The following PFKP variants were observed in gnomAD, a reference collection of about 807,000 sequenced individuals.
The protein encoded by PFKP is ATP-dependent 6-phosphofructokinase, platelet type.
PFKP carries 101 observed loss-of-function variants against 94.3 expected under a neutral mutation model. The observed-to-expected ratio is 1.07, with a 90% confidence interval of 0.91 to 1.26. The LOEUF is 1.26. PFKP is among the 50% of genes most tolerant of loss of function. The pLI, the probability that PFKP is intolerant of heterozygous loss-of-function variation, is 0.00. For missense variants in PFKP, 1,145 were observed against 1,103.3 expected, an observed-to-expected ratio of 1.04 and a Z score of -0.53; for synonymous variants, 573 against 432.6, an observed-to-expected ratio of 1.32 and a Z score of -4.03.
chr10:3,101,200 A>G (rs1236471010), intron 3 of PFKP, among the ~76,000 whole-genome samples, 165 bp from the exon 4 acceptor site: 1 of 152,196 alleles, frequency 6.6e-6, no homozygotes, highest in Non-Finnish European at 1.5e-5. Flanking sequence ...GTCTGGGACT[A>G]AAAACAGGAA....
In PFKP at chr10:3,129,527, C is replaced by T. The variant is rs572626239; in HGVS notation, c.1684-292C>T. On this transcript the variant is annotated intron_variant, in intron 16 of 21. Transcript: ENST00000381125. ...AGCTGGCTTGTGGGGTCGTCTTTTC[C>T]GTCCCCTTCTATGGGGCCTGGGAGA... 2.9e-5 allele frequency: 12 copies of T among 408,112 alleles called. No individual in the cohort carries two copies. In the South Asian group the frequency reaches 3.2e-4, roughly 11 times the overall value. The allele number at this position is 408,112 out of a possible 1,614,324, so 25.3% of individuals were successfully genotyped here.
intron 1 of PFKP, among the ~76,000 whole-genome samples, chr10:3,080,441 T>C (rs564857070): frequency 3.0e-4 from 40 of 132,290 alleles, no homozygotes; most frequent in Non-Finnish European, 3.1e-4. Context: ...GGCGTGAACC[T>C]GGGAGGCGGA....
At position 3,130,076 on chromosome 10, in the gene PFKP, AG is replaced by A. The variant is rs1838403595; in HGVS notation, c.1848+97del. 22 of 1,122,040 alleles carry A rather than the reference AG, an allele frequency of 2.0e-5. 1 individual carries two copies. The Admixed American group carries it at 6.0e-4, about 31-fold the overall frequency. The allele number at this position is 1,122,040 out of a possible 1,614,324, so 69.5% of individuals were successfully genotyped here. On this transcript the variant is annotated intron_variant, in intron 17 of 21. Coordinates refer to ENST00000381125, the MANE Select transcript of PFKP (RefSeq NM_002627.5). ...CGTGTCTAGGGTGGTTTGCTTTCCA[AG>A]GGGCATGGAGATGGAGATGCTACAG...
Position 3,120,619 on chromosome 10 carries a change from G to GT in PFKP, c.1683+582dup, listed in dbSNP as rs1029328535. Reference sequence around the variant, plus strand: ...TAAGGCAATAATTGGTGCTACTTTAGTTTTTTTGCCAAGAGACAATAATAA... The same window carrying GT: ...TAAGGCAATAATTGGTGCTACTTTAGTTTTTTTTGCCAAGAGACAATAATAA... On this transcript the variant is annotated intron_variant, in intron 16 of 21. Transcript: ENST00000381125. Among the ~76,000 whole-genome samples, 10 of 152,170 alleles carry GT rather than the reference G, an allele frequency of 6.6e-5. 1 individual carries two copies. The highest frequency in any genetic ancestry group is 1.4e-4 in the African/African-American group (6 of 41,510).
At chr10:3,113,075 T>G (rs1410948112) in intron 11 of PFKP, 44 bp from the exon 12 acceptor site, 6 of 1,566,190 alleles carry the variant, frequency 3.8e-6, no homozygotes, top group Non-Finnish European at 5.2e-6. Context: ...CTGAGTTGTG[T>G]CCGGTATTCT....
rs185303466 is a variant in PFKP at position 3,082,108 on chromosome 10, C to G, written c.113-280C>G. Among the ~76,000 whole-genome samples the G allele has an allele frequency of 4.0e-5, 6 of 149,362 alleles. No individual in the cohort carries two copies. The East Asian group carries it at 1.0e-3, about 25-fold the overall frequency. On this transcript the variant is annotated intron_variant, in intron 1 of 21. Transcript: ENST00000381125. ...GCTGCAAATAAACCCCTATTCTGTACTTCGTTTTGCAGTTGAATGGAGTGG... is the reference window on the plus strand; with the variant it reads ...GCTGCAAATAAACCCCTATTCTGTAGTTCGTTTTGCAGTTGAATGGAGTGG...
intron 2 of PFKP, among the ~76,000 whole-genome samples, chr10:3,095,987 A>G (rs1183037875): frequency 2.0e-5 from 3 of 152,194 alleles, no homozygotes; most frequent in South Asian, 2.1e-4. Flanking sequence ...ACATGCATCT[A>G]TGCAACACAA....
At chr10:3,096,491 A>G (rs1312108177) in intron 2 of PFKP, among the ~76,000 whole-genome samples, 2 of 152,150 alleles carry the variant, frequency 1.3e-5, no homozygotes, top group Non-Finnish European at 2.9e-5. Context: ...TCTACATCCC[A>G]GTCCTCTCAG....
intron 1 of PFKP, 129 bp from the exon 2 acceptor site, chr10:3,082,259 A>C (rs779183984): frequency 3.8e-4 from 219 of 577,546 alleles, no homozygotes; most frequent in Non-Finnish European, 6.0e-4. Context: ...GAGTGTGTGT[A>C]CCCATTTCTC....
At chr10:3,074,880 C>A (rs1226493299) in intron 1 of PFKP, among the ~76,000 whole-genome samples, 1 of 152,198 alleles carries the variant, frequency 6.6e-6, no homozygotes, top group Non-Finnish European at 1.5e-5. Context: ...TAAAGACACA[C>A]ACACACAAAT....
intron 3 of PFKP, among the ~76,000 whole-genome samples, chr10:3,100,045 T>C (rs1324649690): frequency 2.9e-5 from 4 of 140,106 alleles, no homozygotes; most frequent in Non-Finnish European, 6.0e-5. Flanking sequence ...TCCTTGTATG[T>C]GTAGGTGTGT....
At chr10:3,106,292 G>A (rs1168193387) in intron 7 of PFKP, among the ~76,000 whole-genome samples, 2 of 31,090 alleles carry the variant, frequency 6.4e-5, no homozygotes. Flanking sequence ...TGCACGGGGC[G>A]CCTGTGGGGC....
chr10:3,130,230 T>TA (rs1441310942), intron 17 of PFKP, among the ~76,000 whole-genome samples: 1 of 146,404 alleles, frequency 6.8e-6, no homozygotes. Flanking sequence ...TTGTTTGACA[T>TA]AGTCTGTTGT....
intron 2 of PFKP, among the ~76,000 whole-genome samples, chr10:3,084,543 A>G (rs572851919): frequency 1.3e-5 from 2 of 152,236 alleles, no homozygotes; most frequent in South Asian, 2.1e-4. Flanking sequence ...TAGCTGTAGC[A>G]TTCCCAGGCT....
intron 16 of PFKP, among the ~76,000 whole-genome samples, chr10:3,127,824 T>C (rs1838125655): frequency 2.0e-5 from 3 of 152,238 alleles, no homozygotes; most frequent in South Asian, 4.1e-4. Context: ...TTTGAATACA[T>C]CAACCAATTA....
rs1338485807 is a variant in PFKP, at chr10:3,105,124, G to A, written c.630G>A (p.Arg210=). The A allele has an allele frequency of 6.2e-7, 1 of 1,613,954 alleles. No homozygotes were observed. The highest frequency in any genetic ancestry group is 1.1e-5 in the South Asian group (1 of 91,056). ...TCTGTTTCTCTTCCAGCCACCAGAG[G>A]ACCTTCGTTCTGGAGGTGATGGGAC... ...AIMTTAQSHQ[R]TFVLEVMGRH... The change falls in exon 6 of 22, where the codon AGG becomes AGA. Residue 210 remains arginine, a synonymous_variant. Transcript: ENST00000381125.
At chr10:3,071,324 C>G (rs1218656444) in intron 1 of PFKP, among the ~76,000 whole-genome samples, 1 of 151,078 alleles carries the variant, frequency 6.6e-6, no homozygotes, top group East Asian at 1.9e-4. Context: ...TTTCTATATT[C>G]CCGACTCCCC....
chr10:3,086,498 G>C (rs1264419655), intron 2 of PFKP, among the ~76,000 whole-genome samples: 1 of 152,168 alleles, frequency 6.6e-6, no homozygotes. Context: ...GGCATTTTTT[G>C]ATTGTGCCAT....
At chr10:3,136,383 TGGCCAGGCGGA>T (rs1839346823) in intron 21 of PFKP, 56 bp from the exon 22 acceptor site, 1 of 1,570,320 alleles carries the variant, frequency 6.4e-7, no homozygotes, top group East Asian at 2.3e-5. Flanking sequence ...CTCGCTGTGC[TGGCCAGGCGGA>T]GGCATCTCCC....
Sources: allele counts gnomAD v4.1 joint callset (sites outside exome capture counted in the v4.1 genomes callset), GRCh38; gene constraint gnomAD v4.1.1; transcripts MANE v1.5; gene names NCBI Gene and HGNC (gene_info 2026-07-23, HGNC 2026-07-21).